The following JARID2 variants were observed in gnomAD, a reference collection of about 807,000 sequenced individuals.
The protein encoded by JARID2 is protein Jumonji.
In JARID2, 21 loss-of-function variants were observed where a neutral mutation model predicts 125.6. The observed-to-expected ratio is 0.17, with a 90% confidence interval of 0.12 to 0.24. The LOEUF is 0.24. Among genes scored for constraint, JARID2 ranks in the 10% least tolerant of loss-of-function variants. JARID2 has a pLI of 1.00. For synonymous variants in JARID2, 736 were observed against 661.6 expected (o/e 1.11, Z -1.73); for missense variants, 1,303 against 1,639.6 (o/e 0.79, Z 3.55).
chr6:15,265,898 A>G (rs905221419), intron 1 of JARID2, among the ~76,000 whole-genome samples: 1 of 152,092 alleles, frequency 6.6e-6, no homozygotes, highest in African/African-American at 2.4e-5. Flanking sequence ...TGGAAACTGG[A>G]GGGCATGGGC....
At chr6:15,444,216 A>G (rs1767568110) in intron 3 of JARID2, among the ~76,000 whole-genome samples, 1 of 152,140 alleles carries the variant, frequency 6.6e-6, no homozygotes, top group South Asian at 2.1e-4. Flanking sequence ...ATGCCCTCCC[A>G]TTCTGGTAAA....
chr6:15,406,058 T>C (rs1212105280), intron 2 of JARID2, among the ~76,000 whole-genome samples: 2 of 152,202 alleles, frequency 1.3e-5, no homozygotes, highest in African/African-American at 4.8e-5. Context: ...TGGGCTGATA[T>C]ATACAGAATG....
intron 1 of JARID2, among the ~76,000 whole-genome samples, chr6:15,253,111 T>G (rs1046710588): frequency 2.6e-5 from 4 of 151,950 alleles, no homozygotes; most frequent in Non-Finnish European, 5.9e-5. Flanking sequence ...TCACCCAGGC[T>G]GGAGTGCAGT....
At chr6:15,415,697 A>ACC (rs1375706613) in intron 3 of JARID2, among the ~76,000 whole-genome samples, 29 of 68,890 alleles carry the variant, frequency 4.2e-4, no homozygotes, top group Admixed American at 1.0e-3. Flanking sequence ...CGGGGGGCTG[A>ACC]CCCCCCCACC....
At chr6:15,519,097 G>A (rs1275316667) in intron 17 of JARID2, among the ~76,000 whole-genome samples, 1 of 152,198 alleles carries the variant, frequency 6.6e-6, no homozygotes, top group Non-Finnish European at 1.5e-5. Context: ...ACTGGTCTGG[G>A]GCAGGTGCTG....
At position 15,512,375 on chromosome 6, in the gene JARID2, C is replaced by T. The variant is rs777903913; in HGVS notation, c.3120C>T (p.Gly1040=). The change falls in exon 14 of 18, where the codon GGC becomes GGT. Residue 1040 remains glycine, a synonymous_variant. Transcript: ENST00000341776. ...HFATTQWTSM[G]FETAKEMKRR... is the part of the protein sequence containing the mutation. ...CTACCACCCAGTGGACAAGTATGGGCTTTGAGACCGCCAAGGTGAGCAGAG... is the reference window on the plus strand; with the variant it reads ...CTACCACCCAGTGGACAAGTATGGGTTTTGAGACCGCCAAGGTGAGCAGAG... 6 of 1,614,046 alleles carry T rather than the reference C, an allele frequency of 3.7e-6. No individual in the cohort carries two copies. In the South Asian group the frequency reaches 4.4e-5, roughly 12 times the overall value.
rs539947777 is a variant in JARID2 at position 15,475,280 on chromosome 6, C to A, written c.670+6562C>A. On this transcript the variant is annotated intron_variant, in intron 5 of 17. Transcript: ENST00000341776. ...GGGTTCCTTGCAATAAAAAGGCAAT[C>A]AGGCACCAGTGCCTTGCAAATCTAA... Among the ~76,000 whole-genome samples, 279 of 152,356 alleles carry A rather than the reference C, an allele frequency of 1.8e-3. 1 individual carries two copies. The highest frequency in any genetic ancestry group is 2.8e-3 in the Non-Finnish European group (193 of 68,036).
chr6:15,400,879 A>T, intron 2 of JARID2: 1 of 1,287,822 alleles, frequency 7.8e-7, no homozygotes, highest in South Asian at 1.2e-5. Context: ...AGCCTGCCTC[A>T]CTGCGCTCTT....
chr6:15,257,493 G>C (rs1759708991), intron 1 of JARID2, among the ~76,000 whole-genome samples: 1 of 152,186 alleles, frequency 6.6e-6, no homozygotes, highest in Admixed American at 6.5e-5. Context: ...AAGGCCGTTG[G>C]TTGATAGTTA....
intron 5 of JARID2, among the ~76,000 whole-genome samples, chr6:15,469,606 C>T (rs1768972772): frequency 6.7e-6 from 1 of 150,240 alleles, no homozygotes; most frequent in Admixed American, 6.6e-5. Flanking sequence ...TGAGCCACCA[C>T]GCCCAGCCGC....
chr6:15,262,574 C>T (rs1199528660), intron 1 of JARID2, among the ~76,000 whole-genome samples: 1 of 148,446 alleles, frequency 6.7e-6, no homozygotes, highest in Non-Finnish European at 1.5e-5. Flanking sequence ...TCACTCTAGC[C>T]CAGGCTGGAG....
At chr6:15,314,698 A>G (rs1343932191) in intron 1 of JARID2, among the ~76,000 whole-genome samples, 1 of 152,236 alleles carries the variant, frequency 6.6e-6, no homozygotes, top group Non-Finnish European at 1.5e-5. Context: ...TGTCACAGAC[A>G]ATCCATGGTA....
intron 3 of JARID2, among the ~76,000 whole-genome samples, chr6:15,419,889 T>C (rs2127585450): frequency 6.6e-6 from 1 of 152,372 alleles, no homozygotes; most frequent in South Asian, 2.1e-4. Context: ...ATTAGGTTTG[T>C]AGATTTCATT....
chr6:15,391,354 A>T (rs1202924356), intron 2 of JARID2, among the ~76,000 whole-genome samples: 2 of 152,118 alleles, frequency 1.3e-5, no homozygotes, highest in African/African-American at 4.8e-5. Flanking sequence ...CCCACAGACT[A>T]TTGGGTTCTG....
At position 15,517,368 on chromosome 6, in the gene JARID2, G is replaced by A. The variant is rs558442816; in HGVS notation, c.3558+100G>A. ...CCGGCCTGGCAGTTCTGTGCCTGGC[G>A]GGTAGTCAGGGCTCTGCAGGCCTGA... On this transcript the variant is annotated intron_variant, in intron 17 of 17. Coordinates refer to ENST00000341776, the MANE Select transcript of JARID2 (RefSeq NM_004973.4). 1.4e-4 allele frequency: 114 copies of A among 806,468 alleles called. No individual in the cohort carries two copies. The African/African-American group carries it at 1.5e-3, about 10-fold the overall frequency. The allele number at this position is 806,468 out of a possible 1,614,324, so 50.0% of individuals were successfully genotyped here.
At chr6:15,301,163 C>T (rs1391640945) in intron 1 of JARID2, among the ~76,000 whole-genome samples, 1 of 152,172 alleles carries the variant, frequency 6.6e-6, no homozygotes. Context: ...TCCAAAGGAA[C>T]AGCAAGGGCC....
intron 2 of JARID2, among the ~76,000 whole-genome samples, chr6:15,396,537 A>G (rs187286689): frequency 4.7e-4 from 71 of 152,314 alleles, no homozygotes; most frequent in African/African-American, 1.6e-3. Flanking sequence ...ATACATTTCA[A>G]TACCCTCCGT....
In JARID2 at chr6:15,496,226, A is replaced by C. The variant is rs1770413749; in HGVS notation, c.1001A>C (p.Lys334Thr). The change falls in exon 7 of 18, where the codon AAA becomes ACA. Residue 334 changes from lysine to threonine, a missense_variant. Coordinates refer to ENST00000341776, the MANE Select transcript of JARID2 (RefSeq NM_004973.4). Reference protein sequence around the residue: ...KMREVRPSPSKTVKYTATVTK... With the variant: ...KMREVRPSPSTTVKYTATVTK... Reference sequence around the variant, plus strand: ...CGCGAGGTCAGACCTTCACCATCCAAAACTGTGAAGTACACTGCCACGGTG... The same window carrying C: ...CGCGAGGTCAGACCTTCACCATCCACAACTGTGAAGTACACTGCCACGGTG... 1 of 1,614,144 alleles carries C rather than the reference A, an allele frequency of 6.2e-7. No homozygotes were observed. The highest frequency in any genetic ancestry group is 8.5e-7 in the Non-Finnish European group (1 of 1,180,020).
chr6:15,360,117 A>T (rs1763741763), intron 1 of JARID2, among the ~76,000 whole-genome samples: 1 of 152,110 alleles, frequency 6.6e-6, no homozygotes, highest in African/African-American at 2.4e-5. Flanking sequence ...CTTTCTATCC[A>T]AGACTCTTCT....
Sources: allele counts gnomAD v4.1 joint callset (sites outside exome capture counted in the v4.1 genomes callset), GRCh38; gene constraint gnomAD v4.1.1; transcripts MANE v1.5; gene names NCBI Gene and HGNC (gene_info 2026-07-23, HGNC 2026-07-21).